The following QTGAL variants were observed in gnomAD, a reference collection of about 807,000 sequenced individuals.
The protein encoded by QTGAL is BGnT-like protein 1.
At chr17:82,988,900 G>A in the QTGAL span, among the ~76,000 whole-genome samples, 1 of 152,188 alleles carries the variant, frequency 6.6e-6, no homozygotes, top group African/African-American at 2.4e-5. Flanking sequence ...TTACACTGTT[G>A]GTGGGAATGT....
chr17:82,979,850 G>C, the QTGAL span, among the ~76,000 whole-genome samples: 1,700 of 152,312 alleles, frequency 0.011, 37 homozygotes, highest in African/African-American at 0.039. Flanking sequence ...TGGTCATCAA[G>C]ATGATGTTAC....
chr17:83,008,623 C>T, the QTGAL span, among the ~76,000 whole-genome samples: 7 of 152,212 alleles, frequency 4.6e-5, no homozygotes, highest in South Asian at 2.1e-4. Context: ...CATGACACCA[C>T]GTGACACGGT....
the QTGAL span, among the ~76,000 whole-genome samples, chr17:82,958,892 GGT>G: frequency 3.9e-3 from 434 of 110,258 alleles, 18 homozygotes; most frequent in South Asian, 0.014. Flanking sequence ...GGGGGTGTAT[GGT>G]GTGTGTGTGT....
chr17:83,009,503 A>G, the QTGAL span, among the ~76,000 whole-genome samples: 1 of 152,126 alleles, frequency 6.6e-6, no homozygotes. Context: ...GAGTCCCCCC[A>G]CTGCACGGCC....
the QTGAL span, among the ~76,000 whole-genome samples, chr17:83,042,347 A>G: frequency 1.3e-5 from 2 of 152,222 alleles, no homozygotes; most frequent in East Asian, 1.9e-4. Flanking sequence ...AGCCTGGGTG[A>G]TGGAGTGAGC....
chr17:83,012,275 G>A, the QTGAL span, among the ~76,000 whole-genome samples: 3 of 149,682 alleles, frequency 2.0e-5, no homozygotes, highest in African/African-American at 7.4e-5. Context: ...CACACGCCAC[G>A]AACTCCTCGT....
At chr17:83,014,497 C>T in the QTGAL span, 11 of 1,614,164 alleles carry the variant, frequency 6.8e-6, no homozygotes, top group Middle Eastern at 1.7e-4. Flanking sequence ...CAGCCTCACC[C>T]GCTGGGGCAT....
At chr17:83,034,561 GAATT>G in the QTGAL span, among the ~76,000 whole-genome samples, 1 of 151,996 alleles carries the variant, frequency 6.6e-6, no homozygotes, top group Non-Finnish European at 1.5e-5. Flanking sequence ...ATCTCATCTT[GAATT>G]AATAACTATT....
At chr17:83,034,517 A>G in the QTGAL span, among the ~76,000 whole-genome samples, 2 of 148,978 alleles carry the variant, frequency 1.3e-5, no homozygotes, top group Admixed American at 7.9e-5. Context: ...TCTTGAATTA[A>G]TAACTGATAA....
chr17:83,031,142 G>A, the QTGAL span, among the ~76,000 whole-genome samples: 1 of 152,262 alleles, frequency 6.6e-6, no homozygotes. Flanking sequence ...CAAGAACACA[G>A]ACAACCGAGA....
chr17:82,979,383 A>T, the QTGAL span: 2 of 152,238 alleles, frequency 1.3e-5, no homozygotes, highest in African/African-American at 2.4e-5. Context: ...ATTCCTCAAA[A>T]ATCGCAAGCT....
the QTGAL span, chr17:82,956,720 G>A: frequency 1.3e-6 from 2 of 1,588,826 alleles, no homozygotes; most frequent in Non-Finnish European, 1.7e-6. This position sits in a 1 kb window ranked among gnomAD's most constrained non-coding sequence, Gnocchi z 5.7. Flanking sequence ...GACGAAGGGT[G>A]GCCGGGCGGC....
chr17:82,991,118 A>G, the QTGAL span, among the ~76,000 whole-genome samples: 1 of 152,084 alleles, frequency 6.6e-6, no homozygotes, highest in Non-Finnish European at 1.5e-5. Context: ...GTAAAACCCA[A>G]AACTATACAC....
chr17:82,965,627 C>T, the QTGAL span: 2 of 1,575,770 alleles, frequency 1.3e-6, no homozygotes, highest in Non-Finnish European at 1.7e-6. Flanking sequence ...GGGGAGGGAC[C>T]TGATTCCCGC....
the QTGAL span, chr17:82,948,711 A>T: frequency 6.6e-6 from 1 of 152,294 alleles, no homozygotes; most frequent in Admixed American, 6.5e-5. Context: ...TTCACAACCA[A>T]CATAGACGGC....
the QTGAL span, among the ~76,000 whole-genome samples, chr17:82,988,865 A>G: frequency 6.6e-6 from 1 of 152,232 alleles, no homozygotes; most frequent in Non-Finnish European, 1.5e-5. Context: ...GATGCTGGCA[A>G]GGCTGTGGAG....
At chr17:83,034,898 A>G in the QTGAL span, 1 of 699,290 alleles carries the variant, frequency 1.4e-6, no homozygotes, top group Non-Finnish European at 2.4e-6. Flanking sequence ...CAGCAGCATG[A>G]AAACGGACTA....
the QTGAL span, among the ~76,000 whole-genome samples, chr17:82,968,632 A>G: frequency 6.6e-6 from 1 of 152,242 alleles, no homozygotes; most frequent in Non-Finnish European, 1.5e-5. Context: ...CCTAACCTGC[A>G]GGGACAGACG....
chr17:82,961,538 C>T, the QTGAL span, among the ~76,000 whole-genome samples: 5 of 152,192 alleles, frequency 3.3e-5, no homozygotes, highest in African/African-American at 7.2e-5. Context: ...ATGGCTGGTC[C>T]GGCCTCCGTC....
Sources: gnomAD v4.1 joint callset for allele counts (sites outside exome capture counted in the v4.1 genomes callset) on GRCh38, gnomAD v4.1.1 for gene constraint, Gnocchi (gnomAD v3.1) non-coding constraint, MANE v1.5 for transcripts, NCBI Gene and HGNC (gene_info 2026-07-23, HGNC 2026-07-21) for gene names.